The following DLG2 variants were observed in gnomAD, a reference collection of about 807,000 sequenced individuals.
DLG2 encodes the protein discs large MAGUK scaffold protein 2, also known as disks large homolog 2.
DLG2 carries 45 observed loss-of-function variants against 132.5 expected under a neutral mutation model. The observed-to-expected ratio is 0.34, with a 90% confidence interval of 0.27 to 0.44. The LOEUF is 0.44. Ranked by LOEUF, DLG2 falls within the 20% of genes least tolerant of loss-of-function variation. The pLI, the probability that DLG2 is intolerant of heterozygous loss-of-function variation, is 1.00. For synonymous variants in DLG2, 424 were observed against 419.6 expected, an observed-to-expected ratio of 1.01 and a Z score of -0.13; for missense variants, 1,045 against 1,196.9, an observed-to-expected ratio of 0.87 and a Z score of 1.87.
chr11:84,979,329 G>C (rs544701459), intron 6 of DLG2, among the ~76,000 whole-genome samples: 1 of 152,244 alleles, frequency 6.6e-6, no homozygotes, highest in African/African-American at 2.4e-5. Context: ...AGGATTATAA[G>C]TCATGCTGCT....
At chr11:84,631,224 A>G (rs1042412220) in intron 6 of DLG2, among the ~76,000 whole-genome samples, 2 of 150,432 alleles carry the variant, frequency 1.3e-5, no homozygotes, top group Non-Finnish European at 3.0e-5. Flanking sequence ...TATCTTTTCC[A>G]TTTTTATTTC....
chr11:84,339,376 A>C (rs2098503589), intron 7 of DLG2, among the ~76,000 whole-genome samples: 1 of 152,232 alleles, frequency 6.6e-6, no homozygotes, highest in African/African-American at 2.4e-5. Flanking sequence ...TCCATCTTAT[A>C]GTTAAAGCTG....
intron 3 of DLG2, among the ~76,000 whole-genome samples, chr11:85,432,755 T>C (rs2091264276): frequency 6.6e-6 from 1 of 152,080 alleles, no homozygotes; most frequent in African/African-American, 2.4e-5. Flanking sequence ...TGGGATATTA[T>C]CCAGCAGAAC....
chr11:83,739,627 A>C (rs548131624), intron 18 of DLG2, among the ~76,000 whole-genome samples: 1 of 152,328 alleles, frequency 6.6e-6, no homozygotes, highest in South Asian at 2.1e-4. Context: ...TCATCAGAGA[A>C]ATGCAAATTA....
chr11:84,279,045 G>A (rs914315773), intron 7 of DLG2, among the ~76,000 whole-genome samples: 1 of 151,934 alleles, frequency 6.6e-6, no homozygotes, highest in Admixed American at 6.5e-5. Context: ...CAGAATGGTA[G>A]AAAATTTTTG....
rs375672146 is a variant in DLG2, at chr11:84,783,132, A to G, written c.358-248401T>C. Among the ~76,000 whole-genome samples, 65 of 152,282 alleles carry G rather than the reference A, an allele frequency of 4.3e-4. 1 individual carries two copies. In the South Asian group the frequency reaches 0.012, roughly 28 times the overall value. On this transcript the variant is annotated intron_variant, in intron 6 of 27. Transcript: ENST00000376104. ...AAATCAATTGATCTCACCCTGCTTAATCAATCTTACATCCTCAGCTCTAGT... is the reference window on the plus strand; with the variant it reads ...AAATCAATTGATCTCACCCTGCTTAGTCAATCTTACATCCTCAGCTCTAGT...
At chr11:85,248,437 C>T (rs571627531) in intron 4 of DLG2, among the ~76,000 whole-genome samples, 14 of 151,148 alleles carry the variant, frequency 9.3e-5, no homozygotes, top group Admixed American at 7.3e-4. Flanking sequence ...TTTTTTTTAC[C>T]TTTTAAAAAT....
chr11:85,107,163 T>C (rs1210544682), intron 6 of DLG2, among the ~76,000 whole-genome samples: 2 of 152,014 alleles, frequency 1.3e-5, no homozygotes, highest in East Asian at 3.9e-4. Context: ...AACCTATAGA[T>C]ATAGCAATGT....
chr11:84,905,395 C>T (rs1022248318), intron 6 of DLG2, among the ~76,000 whole-genome samples: 3 of 152,096 alleles, frequency 2.0e-5, no homozygotes, highest in African/African-American at 7.2e-5. Flanking sequence ...AAAGACAGCC[C>T]CCAATAGACT....
chr11:85,275,045 A>G (rs187185464), intron 4 of DLG2, among the ~76,000 whole-genome samples: 432 of 152,310 alleles, frequency 2.8e-3, no homozygotes, highest in Non-Finnish European at 4.9e-3. Context: ...AAAGGCTCCT[A>G]TATCACATGA....
rs527570360 is a variant in DLG2 at position 85,138,953 on chromosome 11, C to G, written c.282+15603G>C. ...AATATAGTGTTTCACTCTAATTCTT[C>G]CTCCGGGCCTTGAATTTGTTGTTTC... On this transcript the variant is annotated intron_variant, in intron 5 of 27. Coordinates refer to ENST00000376104, the MANE Select transcript of DLG2 (RefSeq NM_001142699.3). Among the ~76,000 whole-genome samples the G allele has an allele frequency of 2.6e-5, 4 of 152,138 alleles. No individual in the cohort carries two copies. The South Asian group carries it at 8.3e-4, about 31-fold the overall frequency.
At chr11:83,862,466 T>C (rs1047979994) in intron 16 of DLG2, among the ~76,000 whole-genome samples, 5 of 151,956 alleles carry the variant, frequency 3.3e-5, no homozygotes, top group African/African-American at 9.7e-5. Flanking sequence ...GGGGGAAATA[T>C]TGAGATGGTT....
chr11:83,963,167 C>T (rs1240591646), intron 13 of DLG2, 144 bp from the exon 14 acceptor site: 6 of 807,232 alleles, frequency 7.4e-6, no homozygotes, highest in African/African-American at 3.5e-5. Flanking sequence ...GGGGGAGTTG[C>T]AGCTTATTTG....
chr11:84,212,100 AG>A (rs1486081195), intron 8 of DLG2, among the ~76,000 whole-genome samples: 5 of 152,236 alleles, frequency 3.3e-5, no homozygotes, highest in Non-Finnish European at 5.9e-5. Flanking sequence ...TTTCAAATGA[AG>A]TAATCTATCT....
chr11:85,534,159 T>C (rs1268037591), intron 3 of DLG2, among the ~76,000 whole-genome samples: 1 of 151,976 alleles, frequency 6.6e-6, no homozygotes, highest in Non-Finnish European at 1.5e-5. Flanking sequence ...GGCTAATTTT[T>C]GTCTGTCTCT....
At chr11:85,455,836 T>C (rs988918160) in intron 3 of DLG2, among the ~76,000 whole-genome samples, 13 of 152,198 alleles carry the variant, frequency 8.5e-5, no homozygotes, top group East Asian at 1.9e-4. Flanking sequence ...GATTTGCATA[T>C]GTTGAGCCAA....
chr11:84,588,965 C>A (rs1010245933), intron 6 of DLG2, among the ~76,000 whole-genome samples: 3 of 152,016 alleles, frequency 2.0e-5, no homozygotes, highest in South Asian at 2.1e-4. Context: ...TGGATTGGGA[C>A]CCCTTTCTGG....
chr11:84,425,776 T>C (rs1045289194), intron 7 of DLG2, among the ~76,000 whole-genome samples: 9 of 152,142 alleles, frequency 5.9e-5, no homozygotes, highest in Non-Finnish European at 1.2e-4. Context: ...TTAGTGAAGA[T>C]ATTTGCCTCT....
chr11:84,083,849 T>C (rs2096937061), intron 10 of DLG2, among the ~76,000 whole-genome samples: 1 of 152,178 alleles, frequency 6.6e-6, no homozygotes, highest in Non-Finnish European at 1.5e-5. Context: ...ATTTCTGTTA[T>C]ATAGTAACAG....
Sources: allele counts gnomAD v4.1 joint callset (sites outside exome capture counted in the v4.1 genomes callset), GRCh38; gene constraint gnomAD v4.1.1; transcripts MANE v1.5; gene names NCBI Gene and HGNC (gene_info 2026-07-23, HGNC 2026-07-21).